The following RBM47 variants were observed in gnomAD, a reference collection of about 807,000 sequenced individuals.
The protein encoded by RBM47 is RNA-binding protein 47.
RBM47 carries 21 observed loss-of-function variants against 47.1 expected under a neutral mutation model. The ratio of observed to expected loss-of-function variants is 0.45; its 90% CI spans 0.32 to 0.64. The LOEUF (loss-of-function observed/expected upper bound fraction) is 0.64. Ranked by LOEUF, RBM47 falls within the 30% of genes least tolerant of loss-of-function variation. The pLI is 0.05. For synonymous variants in RBM47, 375 were observed against 361.7 expected, an observed-to-expected ratio of 1.04 and a Z score of -0.42; for missense variants, 708 against 870.9, an observed-to-expected ratio of 0.81 and a Z score of 2.35.
At chr4:40,428,256 T>C (rs1420862077) in intron 6 of RBM47, among the ~76,000 whole-genome samples, 3 of 152,020 alleles carry the variant, frequency 2.0e-5, no homozygotes, top group Non-Finnish European at 2.9e-5. Context: ...CAGGCACTAT[T>C]CTAAGTGCCT....
At chr4:40,583,774 C>A (rs554544185) in intron 1 of RBM47, among the ~76,000 whole-genome samples, 1 of 150,306 alleles carries the variant, frequency 6.7e-6, no homozygotes, top group Admixed American at 6.6e-5. Context: ...AGGAGAATGG[C>A]GTGAACCCGG....
At chr4:40,488,407 G>A (rs998548592) in intron 2 of RBM47, among the ~76,000 whole-genome samples, 15 of 151,902 alleles carry the variant, frequency 9.9e-5, no homozygotes, top group Admixed American at 2.6e-4. Flanking sequence ...TTTTCAGTGC[G>A]CACCATTTTC....
chr4:40,458,755 T>G (rs758341398), intron 3 of RBM47, among the ~76,000 whole-genome samples: 13 of 136,758 alleles, frequency 9.5e-5, no homozygotes, highest in Non-Finnish European at 1.5e-4. Context: ...GTGATAATTG[T>G]TTTTTTTTCC....
intron 1 of RBM47, among the ~76,000 whole-genome samples, chr4:40,622,308 C>G (rs1737338347): frequency 6.6e-6 from 1 of 152,112 alleles, no homozygotes; most frequent in Non-Finnish European, 1.5e-5. Context: ...AGAGCAAAGA[C>G]TTGAAGGAGG....
At chr4:40,483,173 T>C (rs1177751506) in intron 2 of RBM47, among the ~76,000 whole-genome samples, 1 of 152,172 alleles carries the variant, frequency 6.6e-6, no homozygotes, top group African/African-American at 2.4e-5. Context: ...AAGAACAACA[T>C]AAAATGCTAG....
intron 1 of RBM47, among the ~76,000 whole-genome samples, chr4:40,607,883 T>C (rs1342411363): frequency 2.0e-5 from 3 of 152,098 alleles, no homozygotes; most frequent in East Asian, 3.9e-4. Flanking sequence ...GGCGGAAAGA[T>C]TGCCTGTGTT....
Position 40,626,641 on chromosome 4 carries a change from C to A in RBM47, c.-240+2755G>T, listed in dbSNP as rs28522436. Among the ~76,000 whole-genome samples the A allele has an allele frequency of 1.1e-3, 172 of 152,242 alleles. 4 individuals carry two copies. The East Asian group carries it at 0.029, about 25-fold the overall frequency. ...CACACCTTTTTCAGAGCAAAAGATA[C>A]GAGAACCTTAAAAGCAGGTGGTCAT... On this transcript the variant is annotated intron_variant, in intron 1 of 6. Transcript: ENST00000295971.
intron 2 of RBM47, among the ~76,000 whole-genome samples, chr4:40,501,105 C>CA (rs1368639513): frequency 4.6e-5 from 7 of 151,596 alleles, no homozygotes; most frequent in Non-Finnish European, 8.8e-5. Flanking sequence ...AGTTTTAACT[C>CA]AGAGTCCAAA....
chr4:40,548,615 C>T (rs1250336985), intron 1 of RBM47, among the ~76,000 whole-genome samples: 1 of 152,120 alleles, frequency 6.6e-6, no homozygotes, highest in African/African-American at 2.4e-5. Context: ...TGACACTGCC[C>T]AAGGGCATTA....
chr4:40,458,463 T>C (rs543376595), intron 3 of RBM47, among the ~76,000 whole-genome samples: 6 of 152,356 alleles, frequency 3.9e-5, no homozygotes, highest in African/African-American at 1.4e-4. Flanking sequence ...CGCCCAGGAA[T>C]ACTCTCAACA....
At chr4:40,563,883 C>A (rs1730856222) in intron 1 of RBM47, among the ~76,000 whole-genome samples, 2 of 152,106 alleles carry the variant, frequency 1.3e-5, no homozygotes, top group South Asian at 4.1e-4. Flanking sequence ...TTATGATAGT[C>A]TCTAAAAAGC....
intron 1 of RBM47, among the ~76,000 whole-genome samples, chr4:40,606,501 A>G (rs964420759): frequency 2.0e-5 from 3 of 152,102 alleles, no homozygotes; most frequent in Non-Finnish European, 4.4e-5. Context: ...TCTCTCCTGC[A>G]CCCTCTTTGC....
intron 2 of RBM47, among the ~76,000 whole-genome samples, chr4:40,529,931 C>CTTTTT (rs1184871315): frequency 2.4e-5 from 3 of 124,486 alleles, no homozygotes; most frequent in African/African-American, 6.8e-5. Context: ...ATTAGACCCC[C>CTTTTT]TTTTTTTTTT....
At chr4:40,559,052 G>T (rs1225930845) in intron 1 of RBM47, among the ~76,000 whole-genome samples, 1 of 152,150 alleles carries the variant, frequency 6.6e-6, no homozygotes, top group Non-Finnish European at 1.5e-5. Flanking sequence ...AGTGATTGTG[G>T]TGAATAGGGC....
intron 1 of RBM47, among the ~76,000 whole-genome samples, chr4:40,616,303 G>C (rs1202033696): frequency 6.8e-6 from 1 of 147,494 alleles, no homozygotes; most frequent in Non-Finnish European, 1.5e-5. Flanking sequence ...GCAGTGAGCC[G>C]AGATCGCGCC....
At chr4:40,530,580 G>A (rs1040492274) in intron 2 of RBM47, among the ~76,000 whole-genome samples, 4 of 152,222 alleles carry the variant, frequency 2.6e-5, no homozygotes, top group Admixed American at 6.5e-5. Context: ...GATTACAGGC[G>A]TGAAGCACCG....
intron 2 of RBM47, among the ~76,000 whole-genome samples, chr4:40,530,423 C>T (rs1434636428): frequency 6.6e-6 from 1 of 152,086 alleles, no homozygotes; most frequent in Non-Finnish European, 1.5e-5. Context: ...CCTGTCTCAC[C>T]TCCTAAGTAG....
chr4:40,452,076 A>G (rs1389768463), intron 3 of RBM47, among the ~76,000 whole-genome samples: 1 of 152,024 alleles, frequency 6.6e-6, no homozygotes, highest in Non-Finnish European at 1.5e-5. Flanking sequence ...AGGGTGAGGC[A>G]GGAGAATTGC....
chr4:40,538,328 G>GTTT (rs34309510), intron 2 of RBM47, among the ~76,000 whole-genome samples: 3,044 of 125,764 alleles, frequency 0.024, 236 homozygotes, highest in African/African-American at 0.083. Context: ...TATTGGTATT[G>GTTT]TTTTTTTTTT....
Sources: allele counts gnomAD v4.1 joint callset (sites outside exome capture counted in the v4.1 genomes callset), GRCh38; gene constraint gnomAD v4.1.1; transcripts MANE v1.5; gene names NCBI Gene and HGNC (gene_info 2026-07-23, HGNC 2026-07-21).